The following ABHD17C variants were observed in gnomAD, a reference collection of about 807,000 sequenced individuals.
The protein encoded by ABHD17C is abhydrolase domain containing 17C, depalmitoylase, also known as alpha/beta hydrolase domain-containing protein 17C.
ABHD17C carries 11 observed loss-of-function variants against 27.9 expected under a neutral mutation model. The observed-to-expected ratio is 0.39, with a 90% CI of 0.25 to 0.65. ABHD17C has a LOEUF of 0.65. Among genes scored for constraint, ABHD17C ranks in the 30% least tolerant of loss-of-function variants. The pLI is 0.45. For synonymous variants in ABHD17C, 233 were observed against 209.1 expected, an observed-to-expected ratio of 1.11 and a Z score of -0.98; for missense variants, 280 against 470.2, an observed-to-expected ratio of 0.60 and a Z score of 3.74.
intron 1 of ABHD17C, among the ~76,000 whole-genome samples, chr15:80,732,226 A>G (rs1895066866): frequency 6.6e-6 from 1 of 152,170 alleles, no homozygotes; most frequent in Non-Finnish European, 1.5e-5. Flanking sequence ...CTTGCCCCAG[A>G]CTTTTTAGCT....
chr15:80,709,842 C>G lies in ABHD17C; in HGVS notation c.590+13823C>G, dbSNP rs190098383. Among the ~76,000 whole-genome samples, 395 of 152,268 alleles carry G rather than the reference C, an allele frequency of 2.6e-3. 6 individuals are homozygous for G. The highest frequency in any genetic ancestry group is 3.7e-4 in the Non-Finnish European group (25 of 68,030). The stretch of plus-strand genomic sequence containing the variant: ...TACTCCTTTCTGACACACCTAATAT[C>G]CTGTTGGATCTGCCTGTTTAACAAA... On this transcript the variant is annotated intron_variant, in intron 1 of 2. Transcript: ENST00000258884.
intron 1 of ABHD17C, among the ~76,000 whole-genome samples, chr15:80,709,578 C>T (rs1894702277): frequency 6.6e-6 from 1 of 152,076 alleles, no homozygotes; most frequent in African/African-American, 2.4e-5. Context: ...TCCTCGAAGA[C>T]TCGCACATCT....
At chr15:80,750,063 A>G (rs1015907052) in intron 2 of ABHD17C, among the ~76,000 whole-genome samples, 2 of 152,236 alleles carry the variant, frequency 1.3e-5, no homozygotes, top group African/African-American at 4.8e-5. Context: ...AGCTGTATAC[A>G]ATATGTGTGA....
At chr15:80,737,520 G>A (rs567665364) in intron 1 of ABHD17C, among the ~76,000 whole-genome samples, 4 of 152,280 alleles carry the variant, frequency 2.6e-5, no homozygotes, top group Admixed American at 1.3e-4. Flanking sequence ...CCTGAGCCTG[G>A]AAATTGTTAA....
At chr15:80,752,464 A>G (rs1895377591) in intron 2 of ABHD17C, among the ~76,000 whole-genome samples, 2 of 152,102 alleles carry the variant, frequency 1.3e-5, no homozygotes, top group Admixed American at 1.3e-4. Context: ...TATCTCCACG[A>G]CCTCATTCCT....
chr15:80,750,148 T>G (rs954734553), intron 2 of ABHD17C, among the ~76,000 whole-genome samples: 1 of 152,194 alleles, frequency 6.6e-6, no homozygotes, highest in African/African-American at 2.4e-5. Context: ...CTTTTTCAGT[T>G]GGACAGTACA....
Position 80,726,603 on chromosome 15 carries a change from C to T in ABHD17C, c.591-22910C>T, listed in dbSNP as rs192010294. Among the ~76,000 whole-genome samples the T allele has an allele frequency of 2.7e-4, 41 of 150,954 alleles. 1 individual carries two copies. In the South Asian group the frequency reaches 5.7e-3, roughly 21 times the overall value. On this transcript the variant is annotated intron_variant, in intron 1 of 2. Transcript: ENST00000258884. ...CTTGGCTCACTGCAAGCTCCGCCCC[C>T]CCGCGTTCACACCATTCTCCTGCCT...
intron 1 of ABHD17C, among the ~76,000 whole-genome samples, chr15:80,721,599 T>G (rs1344514841): frequency 6.6e-6 from 1 of 152,222 alleles, no homozygotes; most frequent in Non-Finnish European, 1.5e-5. Flanking sequence ...CTATCGTCAT[T>G]GTCATCGTCA....
rs1895402308 is a variant in ABHD17C at position 80,754,136 on chromosome 15, C to G, written c.771-15C>G. ...ATGGAGTCCTCTTTCTGCCTCCCCCCTTTCTGTTTTGCAGCATTGACAAGA... is the reference window on the plus strand; with the variant it reads ...ATGGAGTCCTCTTTCTGCCTCCCCCGTTTCTGTTTTGCAGCATTGACAAGA... On this transcript the variant is annotated splice_polypyrimidine_tract_variant and intron_variant, in intron 2 of 2. Transcript: ENST00000258884. 2.5e-6 allele frequency: 4 copies of G among 1,604,662 alleles called. No homozygotes were observed. The highest frequency in any genetic ancestry group is 2.2e-5 in the East Asian group (1 of 44,808).
At chr15:80,707,681 G>A (rs1596060448) in intron 1 of ABHD17C, among the ~76,000 whole-genome samples, 2 of 152,192 alleles carry the variant, frequency 1.3e-5, no homozygotes, top group East Asian at 3.9e-4. Flanking sequence ...AGCTTAATCT[G>A]GACTTAAGGC....
intron 1 of ABHD17C, among the ~76,000 whole-genome samples, chr15:80,716,487 T>C (rs1333871052): frequency 6.6e-6 from 1 of 152,138 alleles, no homozygotes; most frequent in South Asian, 2.1e-4. Context: ...AACCCTAAAA[T>C]GAGGGGGCCC....
chr15:80,723,319 G>A (rs1221422772), intron 1 of ABHD17C, among the ~76,000 whole-genome samples: 1 of 152,202 alleles, frequency 6.6e-6, no homozygotes, highest in African/African-American at 2.4e-5. Context: ...TTCTCAGCCT[G>A]TGTGAACAGA....
rs1596055720 is a variant in ABHD17C, at chr15:80,695,525, G to A, written c.96G>A (p.Lys32=). ...CCTGCCCGAGCCGCATCGCCGCCAA[G>A]CTGGCCTTCCTGCCGCCCGAGCCCA... ...CPPCPSRIAA[K]LAFLPPEPTY... is the part of the protein sequence containing the mutation. The change falls in exon 1 of 3, where the codon AAG becomes AAA. Residue 32 remains lysine (K), a synonymous_variant. Coordinates refer to ENST00000258884, the MANE Select transcript of ABHD17C (RefSeq NM_021214.2). The surrounding 1 kb of genome is among the most constrained non-coding windows in gnomAD (Gnocchi z 4.3). 7 of 1,372,936 alleles carry A rather than the reference G, an allele frequency of 5.1e-6. No individual in the cohort carries two copies. In the East Asian group the frequency reaches 2.3e-4, roughly 46 times the overall value. 85.0% of individuals were successfully genotyped at this position (1,372,936 alleles called of 1,614,324 possible). A position where few individuals can be genotyped will look rare whatever the true frequency, so the allele number is the denominator to read the frequency against.
rs774215459 is a variant in ABHD17C at position 80,754,373 on chromosome 15, A to T, written c.*3A>T. 4 of 1,608,042 alleles carry T rather than the reference A, an allele frequency of 2.5e-6. No individual in the cohort carries two copies. The African/African-American group carries it at 5.3e-5, about 21-fold the overall frequency. ...CTCACGAACTTCCTAATTCCTGAAG[A>T]CAACAACTTGATCTTACCTCATTTA... On this transcript the variant is annotated 3_prime_UTR_variant, in exon 3 of 3. Coordinates refer to ENST00000258884, the MANE Select transcript of ABHD17C (RefSeq NM_021214.2).
rs10644616 is a variant in ABHD17C at position 80,717,271 on chromosome 15, A to AAAT, written c.590+21252_590+21253insAAT. Among the ~76,000 whole-genome samples, 10 of 145,298 alleles carry AAAT rather than the reference A, an allele frequency of 6.9e-5. 2 individuals carry two copies. Among genetic ancestry groups the AAAT allele is most frequent in the African/African-American group, 2.3e-4 (9 of 39,596 alleles). On this transcript the variant is annotated intron_variant, in intron 1 of 2. Coordinates refer to ENST00000258884, the MANE Select transcript of ABHD17C (RefSeq NM_021214.2). ...TTGATGGGGGCCAAAAAAAAAAAAA[A>AAAT]GAGTTTTGGCATAGCTAATACTTTT...
Position 80,695,604 on chromosome 15 carries a change from C to T in ABHD17C, c.175C>T (p.Pro59Ser), listed in dbSNP as rs1007271041. 4.8e-4 allele frequency: 549 copies of T among 1,139,718 alleles called. 1 individual carries two copies. The highest frequency in any genetic ancestry group is 5.7e-4 in the Non-Finnish European group (535 of 931,400). The allele number at this position is 1,139,718 out of a possible 1,614,324, so 70.6% of individuals were successfully genotyped here. A position where few individuals can be genotyped will look rare whatever the true frequency, so the allele number is the denominator to read the frequency against. ...QRGAGASAPA[P>S]AQATAAAAAA... ...CGGCGCCGGCGCGTCCGCCCCGGCC[C>T]CGGCCCAGGCTACCGCCGCCGCCGC... The change falls in exon 1 of 3, where the codon CCG becomes TCG. Residue 59 changes from proline to serine, a missense_variant. Physicochemically the swap from Pro to Ser is moderately conservative, Grantham distance 74. Coordinates refer to ENST00000258884, the MANE Select transcript of ABHD17C (RefSeq NM_021214.2). The surrounding 1 kb of genome is among the most constrained non-coding windows in gnomAD (Gnocchi z 4.3).
intron 1 of ABHD17C, among the ~76,000 whole-genome samples, chr15:80,732,091 T>C (rs1264271580): frequency 6.6e-6 from 1 of 152,212 alleles, no homozygotes; most frequent in Admixed American, 6.5e-5. Flanking sequence ...CAAATTGCTT[T>C]TCCCTGTGAG....
chr15:80,729,094 GT>G (rs1895022172), intron 1 of ABHD17C, among the ~76,000 whole-genome samples: 1 of 152,186 alleles, frequency 6.6e-6, no homozygotes, highest in Admixed American at 6.5e-5. Context: ...GGTCTTCCTT[GT>G]TTATTATCGT....
rs1895408036 is a variant in ABHD17C, at chr15:80,754,446, C to A, written c.*76C>A. On this transcript the variant is annotated 3_prime_UTR_variant, in exon 3 of 3. Transcript: ENST00000258884. ...TTTTGCACATGCTTTAACTGGGTAG[C>A]TGTAAAGGCTTGATAACCATGAAGA... 7.8e-7 allele frequency: 1 copy of A among 1,280,662 alleles called. No individual in the cohort carries two copies. The highest frequency in any genetic ancestry group is 2.2e-5 in the Admixed American group (1 of 46,130). The allele number at this position is 1,280,662 out of a possible 1,614,324, so 79.3% of individuals were successfully genotyped here. A position where few individuals can be genotyped will look rare whatever the true frequency, so the allele number is the denominator to read the frequency against.
Sources: gnomAD v4.1 joint callset for allele counts (sites outside exome capture counted in the v4.1 genomes callset) on GRCh38, gnomAD v4.1.1 for gene constraint, Gnocchi (gnomAD v3.1) non-coding constraint, MANE v1.5 for transcripts, NCBI Gene and HGNC (gene_info 2026-07-23, HGNC 2026-07-21) for gene names.